Variants in MAN1A2 observed in about 807,000 individuals in gnomAD.
MAN1A2 encodes mannosidase alpha class 1A member 2, also known as mannosyl-oligosaccharide 1,2-alpha-mannosidase IB.
In MAN1A2, 26 loss-of-function variants were observed where a neutral mutation model predicts 75.7. That is an observed-to-expected ratio of 0.34 (90% confidence interval 0.25 to 0.48). The LOEUF (loss-of-function observed/expected upper bound fraction) is 0.48. Among genes scored for constraint, MAN1A2 ranks in the 20% least tolerant of loss-of-function variants. The probability of loss-of-function intolerance (pLI) is 0.99; values close to 1 mark genes in which losing one functional copy is unlikely to be tolerated. For synonymous variants in MAN1A2, 247 were observed against 264.6 expected, an observed-to-expected ratio of 0.93 and a Z score of 0.65; for missense variants, 562 against 775.5, an observed-to-expected ratio of 0.72 and a Z score of 3.27.
chr1:117,390,478 T>A lies in MAN1A2; in HGVS notation c.303-11708T>A, dbSNP rs139795199. ...GTAATTATATCAGTTCTCTCATTGC[T>A]GATATTGGTAGTTTGTGGTTTCTCT... is the stretch of plus-strand genomic sequence containing the variant. On this transcript the variant is annotated intron_variant, in intron 1 of 12. Coordinates refer to ENST00000356554, the MANE Select transcript of MAN1A2 (RefSeq NM_006699.5). 7.5e-3 allele frequency among the ~76,000 whole-genome samples: 1,147 copies of A among 152,128 alleles called. 7 individuals are homozygous for A. The highest frequency in any genetic ancestry group is 0.026 in the African/African-American group (1,091 of 41,550).
At position 117,367,945 on chromosome 1, in the gene MAN1A2, G is replaced by A. The variant is rs941453677; in HGVS notation, c.-239G>A. On this transcript the variant is annotated 5_prime_UTR_variant, in exon 1 of 13. Transcript: ENST00000356554. ...GCTTGTAATAATCCGATGAAGTACA[G>A]ATGTTGAAGAGGATATCGCAGGACC... 1 of 502,244 alleles carries A rather than the reference G, an allele frequency of 2.0e-6. No individual in the cohort carries two copies. Among genetic ancestry groups the A allele is most frequent in the South Asian group, 2.9e-5 (1 of 34,722 alleles). 31.1% of individuals were successfully genotyped at this position (502,244 alleles called of 1,614,324 possible). A position where few individuals can be genotyped will look rare whatever the true frequency, so the allele number is the denominator to read the frequency against.
intron 6 of MAN1A2, among the ~76,000 whole-genome samples, chr1:117,458,297 T>C (rs1210410530): frequency 1.3e-5 from 2 of 151,690 alleles, no homozygotes; most frequent in African/African-American, 2.4e-5. Context: ...TGATTCTCAC[T>C]TCTAGCTATA....
At chr1:117,418,075 A>G (rs983810775) in intron 4 of MAN1A2, among the ~76,000 whole-genome samples, 3 of 152,110 alleles carry the variant, frequency 2.0e-5, no homozygotes, top group African/African-American at 7.2e-5. Context: ...AGAATGCTTT[A>G]ACTTAACTCA....
At chr1:117,390,767 A>C (rs1160957234) in intron 1 of MAN1A2, among the ~76,000 whole-genome samples, 1 of 149,844 alleles carries the variant, frequency 6.7e-6, no homozygotes, top group Non-Finnish European at 1.5e-5. Flanking sequence ...TCTCTCTTTA[A>C]CTTTTCTTTT....
chr1:117,503,590 C>T (rs74637242), intron 12 of MAN1A2, among the ~76,000 whole-genome samples: 1,701 of 151,650 alleles, frequency 0.011, 12 homozygotes, highest in Middle Eastern at 0.034. Flanking sequence ...ATGTCCACTT[C>T]CCTAAAGACT....
chr1:117,490,591 A>G (rs563979757), intron 8 of MAN1A2, among the ~76,000 whole-genome samples: 9 of 152,138 alleles, frequency 5.9e-5, no homozygotes, highest in African/African-American at 2.2e-4. Flanking sequence ...GTATGCATCA[A>G]TATTAATCTT....
intron 1 of MAN1A2, among the ~76,000 whole-genome samples, chr1:117,371,278 A>G (rs1024012371): frequency 2.0e-5 from 3 of 152,252 alleles, no homozygotes; most frequent in Non-Finnish European, 4.4e-5. Flanking sequence ...GGAACATTTT[A>G]TAACCAAACT....
intron 12 of MAN1A2, among the ~76,000 whole-genome samples, chr1:117,504,360 A>G (rs1041880713): frequency 1.3e-5 from 2 of 150,428 alleles, no homozygotes; most frequent in Admixed American, 6.7e-5. Flanking sequence ...AGATAGGACA[A>G]TGATTATTTG....
chr1:117,399,947 A>T (rs908889030), intron 1 of MAN1A2, among the ~76,000 whole-genome samples: 1 of 152,050 alleles, frequency 6.6e-6, no homozygotes, highest in Non-Finnish European at 1.5e-5. Flanking sequence ...ATGGATTATG[A>T]TCTGTTCTCT....
chr1:117,477,194 A>AC (rs907246960), intron 8 of MAN1A2, among the ~76,000 whole-genome samples: 2 of 151,952 alleles, frequency 1.3e-5, no homozygotes, highest in African/African-American at 4.8e-5. Context: ...GCCAAATTCT[A>AC]CCAGAGGTAC....
At chr1:117,506,921 G>C (rs1651392710) in intron 12 of MAN1A2, among the ~76,000 whole-genome samples, 1 of 151,462 alleles carries the variant, frequency 6.6e-6, no homozygotes, top group Non-Finnish European at 1.5e-5. Context: ...TAATATTAAA[G>C]TTTCCAGTGC....
In MAN1A2 at chr1:117,526,878, C is replaced by CTATATATA. The variant is rs1298638368; in HGVS notation, c.*3922_*3923insATATATAT. On this transcript the variant is annotated 3_prime_UTR_variant, in exon 13 of 13. Coordinates refer to ENST00000356554, the MANE Select transcript of MAN1A2 (RefSeq NM_006699.5). ...TCTCTCTCTCTCTCTCTCTCTCTCTCTCTATATATATATATATATATATAT... is the reference window on the plus strand; with the variant it reads ...TCTCTCTCTCTCTCTCTCTCTCTCTCTATATATATCTATATATATATATATATATATAT... 28 of 60,758 alleles carry CTATATATA rather than the reference C, an allele frequency of 4.6e-4. No homozygotes were observed. Among genetic ancestry groups the CTATATATA allele is most frequent in the African/African-American group, 1.5e-3 (23 of 14,918 alleles). 3.8% of individuals were successfully genotyped at this position (60,758 alleles called of 1,614,324 possible).
chr1:117,460,651 G>C, intron 7 of MAN1A2, 39 bp downstream of exon 7: 2 of 1,559,924 alleles, frequency 1.3e-6, no homozygotes, highest in Non-Finnish European at 8.6e-7. Flanking sequence ...TTGTTATAAA[G>C]AGTCCTTTAA....
intron 5 of MAN1A2, among the ~76,000 whole-genome samples, chr1:117,429,847 G>C (rs1349776062): frequency 1.5e-4 from 11 of 71,298 alleles, no homozygotes; most frequent in Non-Finnish European, 3.5e-4. Context: ...GCGGCTGGCC[G>C]GGCGGGGGGC....
At chr1:117,451,666 GTTT>G (rs1430616670) in intron 6 of MAN1A2, among the ~76,000 whole-genome samples, 1 of 152,178 alleles carries the variant, frequency 6.6e-6, no homozygotes, top group Admixed American at 6.5e-5. Flanking sequence ...AAAAAGGGGA[GTTT>G]TGTTACACAA....
intron 1 of MAN1A2, among the ~76,000 whole-genome samples, chr1:117,373,332 A>C (rs573843814): frequency 2.0e-4 from 30 of 152,114 alleles, no homozygotes; most frequent in Admixed American, 9.2e-4. Flanking sequence ...TTTATGCACT[A>C]ATATTAAAGT....
At chr1:117,369,563 T>C (rs562065743) in intron 1 of MAN1A2, among the ~76,000 whole-genome samples, 5 of 152,350 alleles carry the variant, frequency 3.3e-5, no homozygotes, top group African/African-American at 9.6e-5. Context: ...AACTGGTTTT[T>C]CTTTTTTTCT....
chr1:117,458,515 A>T (rs983654931), intron 6 of MAN1A2, among the ~76,000 whole-genome samples: 14 of 87,688 alleles, frequency 1.6e-4, no homozygotes, highest in Non-Finnish European at 2.3e-4. Context: ...ATATATAGAT[A>T]TATATATATT....
chr1:117,430,219 CA>C, intron 5 of MAN1A2, among the ~76,000 whole-genome samples: 1 of 114,976 alleles, frequency 8.7e-6, no homozygotes, highest in Non-Finnish European at 1.8e-5. Flanking sequence ...CTGACCCCCC[CA>C]CCTCCCTCCC....
Sources: gnomAD v4.1 joint callset for allele counts (sites outside exome capture counted in the v4.1 genomes callset) on GRCh38, gnomAD v4.1.1 for gene constraint, MANE v1.5 for transcripts, NCBI Gene and HGNC (gene_info 2026-07-23, HGNC 2026-07-21) for gene names.